Variants in NRBF2 observed in about 807,000 individuals in gnomAD.
NRBF2 encodes the protein nuclear receptor-binding factor 2.
Under a neutral mutation model 28.5 loss-of-function variants are expected in NRBF2, and 12 were observed. The observed-to-expected ratio is 0.42, with a 90% CI of 0.27 to 0.68. The LOEUF is 0.68. NRBF2 is among the 30% of genes least tolerant of loss of function. NRBF2 has a pLI of 0.24. For synonymous variants in NRBF2, 102 were observed against 116.5 expected (o/e 0.88, Z 0.80); for missense variants, 274 against 333.5 (o/e 0.82, Z 1.39).
At position 63,133,594 on chromosome 10, in the gene NRBF2, G is replaced by A; in HGVS notation, c.30+94G>A. The A allele has an allele frequency of 6.1e-6, 6 of 990,264 alleles. 1 individual carries two copies. The South Asian group carries it at 7.9e-5, about 13-fold the overall frequency. The allele number at this position is 990,264 out of a possible 1,614,324, so 61.3% of individuals were successfully genotyped here. On this transcript the variant is annotated intron_variant, in intron 1 of 3. Coordinates refer to ENST00000277746, the MANE Select transcript of NRBF2 (RefSeq NM_030759.5). ...GCGCGTCGGCTAACCCTTTAGGCTG[G>A]GAGGTTGGTTTGGCAGGAGTGGTCG...
intron 1 of NRBF2, among the ~76,000 whole-genome samples, chr10:63,144,356 T>G (rs1841526574): frequency 6.6e-6 from 1 of 152,178 alleles, no homozygotes; most frequent in Non-Finnish European, 1.5e-5. Flanking sequence ...CTGGCTTATT[T>G]TATTCAGTCT....
In NRBF2 at chr10:63,146,294, G is replaced by A. The variant is rs1181575827; in HGVS notation, c.115+1G>A. 2 of 1,605,094 alleles carry A rather than the reference G, an allele frequency of 1.2e-6. No homozygotes were observed. The highest frequency in any genetic ancestry group is 1.1e-5 in the South Asian group (1 of 89,990). On this transcript the variant is annotated splice_donor_variant, in intron 2 of 3. Coordinates refer to ENST00000277746, the MANE Select transcript of NRBF2 (RefSeq NM_030759.5). LOFTEE classifies it high-confidence loss of function. ...ATTTCTTGTCACAAAAAGGCTGCAG[G>A]TGAGTATTCTTATTAAGTACTCAGT...
In NRBF2 at chr10:63,146,227, C is replaced by T. The variant is rs373878849; in HGVS notation, c.49C>T (p.Arg17Ter). The T allele has an allele frequency of 1.2e-6, 2 of 1,611,562 alleles. No individual in the cohort carries two copies. Among genetic ancestry groups the T allele is most frequent in the Non-Finnish European group, 1.7e-6 (2 of 1,179,344 alleles). ...PLNLAHQQSRRADRLLAAGKY... is the reference protein window; with the variant it reads ...PLNLAHQQSR ...CTTCTAGGCTCATCAACAGAGCAGA[C>T]GAGCAGACCGTTTATTAGCTGCAGG... The change falls in exon 2 of 4, where the codon CGA (arginine) becomes TGA (stop). Residue 17 changes from arginine (R) to a stop codon, truncating the protein, a stop_gained. Transcript: ENST00000277746. LOFTEE classifies it high-confidence loss of function.
At chr10:63,137,106 G>A (rs955536235) in intron 1 of NRBF2, among the ~76,000 whole-genome samples, 2 of 152,104 alleles carry the variant, frequency 1.3e-5, no homozygotes, top group African/African-American at 2.4e-5. Context: ...CAATAGCTGG[G>A]ACTACAGGTT....
chr10:63,151,520 A>G (rs532903595), intron 2 of NRBF2, among the ~76,000 whole-genome samples: 1 of 152,368 alleles, frequency 6.6e-6, no homozygotes, highest in Admixed American at 6.5e-5. Context: ...TCTAGCAGTC[A>G]TCCTAAAGAG....
intron 1 of NRBF2, among the ~76,000 whole-genome samples, chr10:63,140,285 G>A (rs1007415576): frequency 1.3e-5 from 2 of 152,126 alleles, no homozygotes; most frequent in Non-Finnish European, 2.9e-5. Context: ...TCAATCTAAC[G>A]TAACCCATCA....
intron 1 of NRBF2, among the ~76,000 whole-genome samples, chr10:63,143,805 T>C (rs1232196953): frequency 1.4e-5 from 2 of 146,544 alleles, no homozygotes; most frequent in Non-Finnish European, 3.0e-5. Context: ...CGGACTGGAG[T>C]GCAGTGGTGC....
At chr10:63,142,335 C>T (rs982369072) in intron 1 of NRBF2, among the ~76,000 whole-genome samples, 1 of 143,740 alleles carries the variant, frequency 7.0e-6, no homozygotes, top group African/African-American at 2.5e-5. Context: ...TGGAGTTTCA[C>T]TCTTGTTGCC....
chr10:63,139,375 TAGAA>T lies in NRBF2; in HGVS notation c.30+5878_30+5881del, dbSNP rs375460799. Among the ~76,000 whole-genome samples, 174 of 152,284 alleles carry T rather than the reference TAGAA, an allele frequency of 1.1e-3. 1 individual carries two copies. The highest frequency in any genetic ancestry group is 3.8e-3 in the African/African-American group (156 of 41,552). On this transcript the variant is annotated intron_variant, in intron 1 of 3. Coordinates refer to ENST00000277746, the MANE Select transcript of NRBF2 (RefSeq NM_030759.5). ...TCCCCAAGGACACAGAAAAAAATAA[TAGAA>T]AGTAATACTGTTTTCTTTTGGGAAA...
intron 2 of NRBF2, among the ~76,000 whole-genome samples, chr10:63,148,370 T>G (rs1288317992): frequency 6.6e-6 from 1 of 152,190 alleles, no homozygotes; most frequent in African/African-American, 2.4e-5. Context: ...AAAGTTGACG[T>G]GGTTGAAATG....
intron 2 of NRBF2, among the ~76,000 whole-genome samples, chr10:63,150,563 G>A (rs74646415): frequency 2.6e-4 from 39 of 152,254 alleles, no homozygotes; most frequent in African/African-American, 8.9e-4. Flanking sequence ...TGGAAAGGGA[G>A]CATCTAATTC....
chr10:63,142,587 T>C (rs1300777815), intron 1 of NRBF2, among the ~76,000 whole-genome samples: 1 of 152,090 alleles, frequency 6.6e-6, no homozygotes, highest in Non-Finnish European at 1.5e-5. Flanking sequence ...TTAGAGAAAT[T>C]AGGTTAATCA....
intron 1 of NRBF2, among the ~76,000 whole-genome samples, chr10:63,138,568 C>T (rs1029139294): frequency 1.1e-4 from 16 of 151,054 alleles, no homozygotes; most frequent in Non-Finnish European, 2.1e-4. Flanking sequence ...CACGGTGAAA[C>T]CCCGTCTCTA....
chr10:63,146,152 A>C, intron 1 of NRBF2, 57 bp from the exon 2 acceptor site: 1 of 1,410,446 alleles, frequency 7.1e-7, no homozygotes, highest in Non-Finnish European at 1.0e-6. Context: ...TTGCTTTTTG[A>C]AAGAAATCAT....
intron 1 of NRBF2, among the ~76,000 whole-genome samples, chr10:63,139,292 C>A (rs575911137): frequency 1.0e-3 from 154 of 152,260 alleles, no homozygotes; most frequent in African/African-American, 3.6e-3. Context: ...GGATTACAGG[C>A]GTGAGCCACC....
intron 1 of NRBF2, among the ~76,000 whole-genome samples, chr10:63,143,710 C>T (rs1377594632): frequency 3.3e-5 from 5 of 151,606 alleles, no homozygotes; most frequent in Non-Finnish European, 7.4e-5. Context: ...CCTTGGCCTC[C>T]GCAAGTGTTG....
intron 1 of NRBF2, among the ~76,000 whole-genome samples, chr10:63,140,827 A>G (rs898554664): frequency 6.6e-6 from 1 of 150,386 alleles, no homozygotes; most frequent in Non-Finnish European, 1.5e-5. Context: ...CAGCCTCCCG[A>G]GTAGCTGGGA....
At chr10:63,144,106 CTTAA>C (rs1453665433) in intron 1 of NRBF2, among the ~76,000 whole-genome samples, 1 of 152,108 alleles carries the variant, frequency 6.6e-6, no homozygotes, top group Non-Finnish European at 1.5e-5. Flanking sequence ...AGTTTACCTT[CTTAA>C]TTATTTTTAA....
intron 3 of NRBF2, 105 bp downstream of exon 3, chr10:63,152,295 G>T (rs1439081476): frequency 2.5e-6 from 2 of 809,552 alleles, no homozygotes. Flanking sequence ...AAATGCTATA[G>T]TCAAAAATAT....
Sources: gnomAD v4.1 joint callset for allele counts (sites outside exome capture counted in the v4.1 genomes callset) on GRCh38, gnomAD v4.1.1 for gene constraint, MANE v1.5 for transcripts, NCBI Gene and HGNC (gene_info 2026-07-23, HGNC 2026-07-21) for gene names.